MLXIP: variants seen among roughly 807,000 people sequenced by gnomAD.
MLXIP encodes MLX interacting protein.
In MLXIP, 30 loss-of-function variants were observed where a neutral mutation model predicts 87.2. The ratio of observed to expected loss-of-function variants is 0.34; its 90% CI spans 0.26 to 0.47. The LOEUF (loss-of-function observed/expected upper bound fraction) is 0.47. Ranked by LOEUF, MLXIP falls within the 20% of genes least tolerant of loss-of-function variation. MLXIP has a pLI of 1.00. For missense variants in MLXIP, 1,002 were observed against 1,240.1 expected, an observed-to-expected ratio of 0.81 and a Z score of 2.88; for synonymous variants, 530 against 514.0, an observed-to-expected ratio of 1.03 and a Z score of -0.42.
chr12:122,124,181 C>A (rs1593100099), intron 1 of MLXIP, among the ~76,000 whole-genome samples: 1 of 128,434 alleles, frequency 7.8e-6, no homozygotes, highest in Non-Finnish European at 1.7e-5. Context: ...GTCCCCCGCC[C>A]CAGCCGTCCC....
intron 1 of MLXIP, among the ~76,000 whole-genome samples, chr12:122,088,587 C>T (rs1952201656): frequency 1.3e-5 from 2 of 152,166 alleles, no homozygotes; most frequent in African/African-American, 4.8e-5. Flanking sequence ...GGAACAGCTC[C>T]TACAAAGAGG....
In MLXIP at chr12:122,105,956, A is replaced by C. The variant is rs150202325; in HGVS notation, c.414-21300A>C. ...GGTTCAGACTATAGGTTCACACTTA[A>C]GTGTGAGATGTTGGCCAACTGGCAT... is the stretch of plus-strand genomic sequence containing the variant. On this transcript the variant is annotated intron_variant, in intron 1 of 16. Transcript: ENST00000319080. Among the ~76,000 whole-genome samples the C allele has an allele frequency of 3.8e-3, 578 of 152,284 alleles. 5 individuals are homozygous for C. Among genetic ancestry groups the C allele is most frequent in the African/African-American group, 0.013 (560 of 41,564 alleles).
At chr12:122,122,860 C>CTTT (rs60568039) in intron 1 of MLXIP, among the ~76,000 whole-genome samples, 2 of 142,390 alleles carry the variant, frequency 1.4e-5, no homozygotes, top group Non-Finnish European at 3.0e-5. Flanking sequence ...TTTTCTTTTT[C>CTTT]TTTTTTTTTT....
Position 122,115,588 on chromosome 12 carries a change from C to CAAAAAAAAAAAA in MLXIP, c.414-11662_414-11651dup, listed in dbSNP as rs35318582. On this transcript the variant is annotated intron_variant, in intron 1 of 16. Transcript: ENST00000319080. ...GGGCAACAAGAGCGAAACTCCTTCT[C>CAAAAAAAAAAAA]AAAAAAAAAAAAAAAAAGACCAGTA... Among the ~76,000 whole-genome samples, 490 of 110,590 alleles carry CAAAAAAAAAAAA rather than the reference C, an allele frequency of 4.4e-3. 51 individuals carry two copies. The highest frequency in any genetic ancestry group is 0.02 in the African/African-American group (468 of 23,750). The allele number at this position is 110,590 out of a possible 152,430, so 72.6% of individuals were successfully genotyped here. A position where few individuals can be genotyped will look rare whatever the true frequency, so the allele number is the denominator to read the frequency against.
In MLXIP at chr12:122,135,328, C is replaced by T. The variant is rs1347048041; in HGVS notation, c.1837C>T (p.Pro613Ser). The T allele has an allele frequency of 6.2e-7, 1 of 1,613,394 alleles. No homozygotes were observed. The highest frequency in any genetic ancestry group is 8.5e-7 in the Non-Finnish European group (1 of 1,179,708). ...TVSQSNVVIA[P>S]AAIARAPGVP... ...GTCCCAGTCCAACGTGGTCATTGCGCCTGCTGCCATCGCCAGGGTGAGGAG... is the reference window on the plus strand; with the variant it reads ...GTCCCAGTCCAACGTGGTCATTGCGTCTGCTGCCATCGCCAGGGTGAGGAG... The change falls in exon 10 of 17, where the codon CCT (proline) becomes TCT (serine). Residue 613 changes from proline to serine, a missense_variant. By Grantham distance (74) the Pro-to-Ser change is moderately conservative. Around this residue, in one of 3 missense-constraint regions of MLXIP, gnomAD observed 746 missense variants for 897.0 expected, o/e 0.83. Transcript: ENST00000319080. The surrounding 1 kb of genome is among the most constrained non-coding windows in gnomAD (Gnocchi z 5.3).
Position 122,134,374 on chromosome 12 carries a change from T to A in MLXIP, c.1732+387T>A, listed in dbSNP as rs563309074. ...TATACTCGGCTAATTTTTGTTTGTT[T>A]GTTTGTTTTTTGAGATGGAGTCTCA... is the stretch of plus-strand genomic sequence containing the variant. On this transcript the variant is annotated intron_variant, in intron 9 of 16. Coordinates refer to ENST00000319080, the MANE Select transcript of MLXIP (RefSeq NM_014938.6). 9 of 204,866 alleles carry A rather than the reference T, an allele frequency of 4.4e-5. No homozygotes were observed. The East Asian group carries it at 1.3e-3, about 29-fold the overall frequency. 12.7% of individuals were successfully genotyped at this position (204,866 alleles called of 1,614,324 possible).
rs1168375924 is a variant in MLXIP, at chr12:122,129,980, T to C, written c.778T>C (p.Trp260Arg). 18 of 1,613,830 alleles carry C rather than the reference T, an allele frequency of 1.1e-5. No individual in the cohort carries two copies. Among genetic ancestry groups the C allele is most frequent in the Non-Finnish European group, 1.4e-5 (17 of 1,179,868 alleles). ...MLYWHKHGDG[W>R]KTPVPMEEDP... ...GTATTGGCACAAGCACGGGGATGGA[T>C]GGAAGACCCCCGTCCCCATGGAGGA... Residue 260 changes from tryptophan to arginine, a missense_variant, in exon 6 of 17, where the codon TGG becomes CGG. Around this residue, in one of 3 missense-constraint regions of MLXIP, gnomAD observed 746 missense variants for 897.0 expected, o/e 0.83. Transcript: ENST00000319080.
chr12:122,105,306 A>G (rs1398959696), intron 1 of MLXIP, among the ~76,000 whole-genome samples: 1 of 151,038 alleles, frequency 6.6e-6, no homozygotes, highest in Non-Finnish European at 1.5e-5. Flanking sequence ...CTTACCTTCT[A>G]ACTTTGCTTA....
intron 1 of MLXIP, among the ~76,000 whole-genome samples, chr12:122,106,901 C>T (rs531059644): frequency 8.1e-4 from 123 of 152,294 alleles, no homozygotes; most frequent in Non-Finnish European, 1.6e-3. Flanking sequence ...AGCACCCGGC[C>T]TTCACTGCTC....
chr12:122,140,966 A>C lies in MLXIP; in HGVS notation c.2521A>C (p.Ile841Leu). 6.2e-7 allele frequency: 1 copy of C among 1,613,876 alleles called. No individual in the cohort carries two copies. Among genetic ancestry groups the C allele is most frequent in the East Asian group, 2.2e-5 (1 of 44,880 alleles). The stretch of plus-strand genomic sequence containing the variant: ...CCACACACTGCAGTTCAGCATCATC[A>C]TCAAGCCGCTGTTTGAGTCGTTCAA... ...NWKFWIFSII[I>L]KPLFESFKGM... is the part of the protein sequence containing the mutation. Residue 841 changes from isoleucine (I) to leucine (L), a missense_variant, in exon 16 of 17, where the codon ATC becomes CTC. Physicochemically the swap from Ile to Leu is conservative, Grantham distance 5. Around this residue, in one of 3 missense-constraint regions of MLXIP, gnomAD observed 746 missense variants for 897.0 expected, o/e 0.83. Transcript: ENST00000319080.
At chr12:122,106,967 G>A (rs1036670446) in intron 1 of MLXIP, among the ~76,000 whole-genome samples, 6 of 152,166 alleles carry the variant, frequency 3.9e-5, no homozygotes, top group African/African-American at 7.2e-5. Context: ...AGCTGCACCA[G>A]CTGCACTAGC....
intron 1 of MLXIP, among the ~76,000 whole-genome samples, chr12:122,118,582 T>C: frequency 6.6e-6 from 1 of 152,198 alleles, no homozygotes; most frequent in Non-Finnish European, 1.5e-5. Context: ...GCGCAGTGGC[T>C]CACGCCTATA....
intron 15 of MLXIP, 39 bp from the exon 16 acceptor site, chr12:122,140,915 C>G (rs1477623088): frequency 6.2e-7 from 1 of 1,613,820 alleles, no homozygotes; most frequent in South Asian, 1.1e-5. Flanking sequence ...GTCCCCAGCC[C>G]CTCTCCGTGC....
At chr12:122,104,293 G>A (rs989221499) in intron 1 of MLXIP, among the ~76,000 whole-genome samples, 3 of 152,104 alleles carry the variant, frequency 2.0e-5, no homozygotes, top group Non-Finnish European at 2.9e-5. Context: ...GTTCCCTCGC[G>A]CCCTTCCCAG....
chr12:122,100,525 A>G (rs1252621034), intron 1 of MLXIP, among the ~76,000 whole-genome samples: 1 of 152,146 alleles, frequency 6.6e-6, no homozygotes, highest in African/African-American at 2.4e-5. Context: ...ATATTTTTGA[A>G]TATTATTTAT....
At chr12:122,134,097 G>C in intron 9 of MLXIP, 110 bp downstream of exon 9, 2 of 1,271,262 alleles carry the variant, frequency 1.6e-6, no homozygotes, top group Non-Finnish European at 2.1e-6. Flanking sequence ...TGGTGTGCAC[G>C]TGCATGCGCA....
chr12:122,106,373 C>T (rs1952519541), intron 1 of MLXIP, among the ~76,000 whole-genome samples: 1 of 152,186 alleles, frequency 6.6e-6, no homozygotes. Context: ...CCTTTGCTCA[C>T]TCAAAGGAAG....
At position 122,133,696 on chromosome 12, in the gene MLXIP, C is replaced by A. The variant is rs768065769; in HGVS notation, c.1441C>A (p.Pro481Thr). 44 of 1,613,624 alleles carry A rather than the reference C, an allele frequency of 2.7e-5. No individual in the cohort carries two copies. The highest frequency in any genetic ancestry group is 3.7e-5 in the Non-Finnish European group (44 of 1,179,838). The part of the protein sequence containing the change: ...PQKFAGVNKA[P>T]SVITHTASAT... ...GAAGTTTGCTGGAGTCAACAAAGCG[C>A]CGTCTGTCATCACCCACACGGCCTC... Residue 481 changes from proline (P) to threonine (T), a missense_variant, in exon 9 of 17, where the codon CCG (proline) becomes ACG (threonine). Pro to Thr is a conservative substitution (Grantham distance 38). Transcript: ENST00000319080. This position sits in a 1 kb window ranked among gnomAD's most constrained non-coding sequence, Gnocchi z 4.9.
At position 122,127,877 on chromosome 12, in the gene MLXIP, G is replaced by T. The variant is rs904666373; in HGVS notation, c.521-6G>T. 8 of 1,613,328 alleles carry T rather than the reference G, an allele frequency of 5.0e-6. No individual in the cohort carries two copies. Among genetic ancestry groups the T allele is most frequent in the Non-Finnish European group, 6.8e-6 (8 of 1,179,386 alleles). ...TGGTGCTGACTCTCACCCTCTCTCT[G>T]CTCAGATCTGGAGAAGCGCAAGAAT... On this transcript the variant is annotated splice_polypyrimidine_tract_variant and splice_region_variant and intron_variant, in intron 2 of 16. Transcript: ENST00000319080.
Sources: allele counts gnomAD v4.1 joint callset (sites outside exome capture counted in the v4.1 genomes callset), GRCh38; gene constraint gnomAD v4.1.1; regional missense constraint gnomAD v4.1.1; non-coding constraint Gnocchi (gnomAD v3.1); transcripts MANE v1.5; gene names NCBI Gene and HGNC (gene_info 2026-07-23, HGNC 2026-07-21).